BRINP3: variants seen among roughly 807,000 people sequenced by gnomAD.
BRINP3 encodes BMP/retinoic acid-inducible neural-specific protein 3.
BRINP3 carries 19 observed loss-of-function variants against 71.0 expected under a neutral mutation model. The ratio of observed to expected loss-of-function variants is 0.27; its 90% CI spans 0.19 to 0.39. BRINP3 has a LOEUF of 0.39. Ranked by LOEUF, BRINP3 falls within the 10% of genes least tolerant of loss-of-function variation. The pLI, the probability that BRINP3 is intolerant of heterozygous loss-of-function variation, is 1.00. For synonymous variants in BRINP3, 380 were observed against 337.7 expected (o/e 1.13, Z -1.37); for missense variants, 959 against 940.8 (o/e 1.02, Z -0.25).
chr1:190,221,839 G>A (rs1656917661), intron 6 of BRINP3, among the ~76,000 whole-genome samples: 1 of 152,038 alleles, frequency 6.6e-6, no homozygotes, highest in South Asian at 2.1e-4. Flanking sequence ...AAATGATAAA[G>A]GGGTCAATAC....
In BRINP3 at chr1:190,359,106, C is replaced by T. The variant is rs529150310; in HGVS notation, c.237-77356G>A. On this transcript the variant is annotated intron_variant, in intron 2 of 7. Transcript: ENST00000367462. ...AGCAAACGAATATGACACATGTATA[C>T]ATATGTAACAAACTTGCACATTGCG... is the stretch of plus-strand genomic sequence containing the variant. 5.9e-5 allele frequency among the ~76,000 whole-genome samples: 9 copies of T among 152,052 alleles called. No homozygotes were observed. The East Asian group carries it at 1.7e-3, about 29-fold the overall frequency.
intron 3 of BRINP3, among the ~76,000 whole-genome samples, chr1:190,272,328 A>G (rs983165301): frequency 5.9e-5 from 9 of 151,548 alleles, no homozygotes; most frequent in African/African-American, 2.2e-4. Context: ...CAAATGAAAC[A>G]TGAGGTTTAG....
At chr1:190,244,552 A>G (rs1367186566) in intron 4 of BRINP3, among the ~76,000 whole-genome samples, 1 of 152,022 alleles carries the variant, frequency 6.6e-6, no homozygotes. Context: ...AGCACCTATC[A>G]CCATCCTGGA....
At chr1:190,277,859 A>G (rs1328830115) in intron 3 of BRINP3, among the ~76,000 whole-genome samples, 3 of 151,734 alleles carry the variant, frequency 2.0e-5, no homozygotes, top group African/African-American at 7.2e-5. Flanking sequence ...TGGAATTTAG[A>G]TATCATTATC....
chr1:190,409,820 T>TA (rs1303653790), intron 2 of BRINP3, among the ~76,000 whole-genome samples: 3 of 152,062 alleles, frequency 2.0e-5, no homozygotes, highest in African/African-American at 2.4e-5. Context: ...CATATCCTGA[T>TA]AAAAATATTT....
chr1:190,222,163 T>C (rs1276828867), intron 6 of BRINP3, among the ~76,000 whole-genome samples: 1 of 151,910 alleles, frequency 6.6e-6, no homozygotes, highest in African/African-American at 2.4e-5. Flanking sequence ...AGGTCATATC[T>C]TAAGCAACAA....
chr1:190,288,880 C>T (rs1175794131), intron 2 of BRINP3, among the ~76,000 whole-genome samples: 1 of 151,922 alleles, frequency 6.6e-6, no homozygotes, highest in Non-Finnish European at 1.5e-5. Context: ...AAGTTTAATG[C>T]TCATAAAGAT....
At chr1:190,170,527 A>ATT (rs111563802) in intron 6 of BRINP3, among the ~76,000 whole-genome samples, 4 of 152,258 alleles carry the variant, frequency 2.6e-5, no homozygotes, top group African/African-American at 9.6e-5. Flanking sequence ...ACGTGAAGCC[A>ATT]TTTTTTTATA....
intron 7 of BRINP3, among the ~76,000 whole-genome samples, chr1:190,153,151 C>G (rs1042865944): frequency 6.6e-6 from 1 of 152,072 alleles, no homozygotes; most frequent in Non-Finnish European, 1.5e-5. Context: ...GGTACATGCA[C>G]GATTTTTTTT....
At chr1:190,196,213 CT>C (rs1470217265) in intron 6 of BRINP3, among the ~76,000 whole-genome samples, 1 of 152,080 alleles carries the variant, frequency 6.6e-6, no homozygotes, top group Non-Finnish European at 1.5e-5. Flanking sequence ...GATTTAGTTC[CT>C]TTAGGACTGC....
intron 1 of BRINP3, chr1:190,475,683 C>G (rs1240377491): frequency 6.6e-6 from 1 of 152,224 alleles, no homozygotes; most frequent in Non-Finnish European, 1.5e-5. Flanking sequence ...GTTGATAACC[C>G]TCCAGTTAAA....
intron 1 of BRINP3, among the ~76,000 whole-genome samples, chr1:190,459,503 T>A (rs1676240734): frequency 6.6e-6 from 1 of 151,932 alleles, no homozygotes; most frequent in South Asian, 2.1e-4. Flanking sequence ...TACAAAGATA[T>A]AAACAAAATA....
intron 1 of BRINP3, among the ~76,000 whole-genome samples, chr1:190,476,251 T>TAAAA (rs58413136): frequency 2.1e-5 from 3 of 142,234 alleles, no homozygotes; most frequent in African/African-American, 5.2e-5. Flanking sequence ...TCCCAGAAAT[T>TAAAA]AAAAAAAAAA....
chr1:190,300,519 A>G (rs950809876), intron 2 of BRINP3, among the ~76,000 whole-genome samples: 6 of 152,122 alleles, frequency 3.9e-5, no homozygotes, highest in African/African-American at 1.4e-4. Flanking sequence ...GCAGACTTAA[A>G]TGTCCCTGTC....
chr1:190,216,310 T>A, intron 6 of BRINP3, among the ~76,000 whole-genome samples: 1 of 151,720 alleles, frequency 6.6e-6, no homozygotes, highest in Non-Finnish European at 1.5e-5. Flanking sequence ...ACTACTATTG[T>A]GAGGTTTTGT....
intron 4 of BRINP3, among the ~76,000 whole-genome samples, chr1:190,257,948 AC>A (rs1660819414): frequency 6.6e-6 from 1 of 152,194 alleles, no homozygotes; most frequent in Middle Eastern, 3.2e-3. Context: ...TCAGGGACCC[AC>A]TTGAGGAGGC....
intron 2 of BRINP3, among the ~76,000 whole-genome samples, chr1:190,359,446 A>G (rs543340610): frequency 1.3e-5 from 2 of 152,152 alleles, no homozygotes; most frequent in East Asian, 3.9e-4. Flanking sequence ...AATTATGCCT[A>G]TATAATGAGG....
chr1:190,432,752 G>A (rs1171725824), intron 2 of BRINP3, among the ~76,000 whole-genome samples: 1 of 152,046 alleles, frequency 6.6e-6, no homozygotes. Flanking sequence ...GGAAATTTGT[G>A]CATTTGCCAT....
intron 2 of BRINP3, among the ~76,000 whole-genome samples, chr1:190,388,508 G>A (rs1465865124): frequency 6.6e-6 from 1 of 151,752 alleles, no homozygotes; most frequent in Non-Finnish European, 1.5e-5. Flanking sequence ...TTATGACAGA[G>A]GAAAAGATTG....
Sources: allele counts gnomAD v4.1 joint callset (sites outside exome capture counted in the v4.1 genomes callset), GRCh38; gene constraint gnomAD v4.1.1; transcripts MANE v1.5; gene names NCBI Gene and HGNC (gene_info 2026-07-23, HGNC 2026-07-21).